DPH6: variants seen among roughly 807,000 people sequenced by gnomAD.
DPH6 encodes the protein diphthine--ammonia ligase.
A neutral mutation model predicts 38.2 loss-of-function variants in DPH6; 33 were observed. That is an observed-to-expected ratio of 0.86 (90% CI 0.65 to 1.15). The LOEUF (loss-of-function observed/expected upper bound fraction) is 1.15. Ranked by LOEUF, DPH6 falls within the 50% of genes most tolerant of loss-of-function variation. The pLI is 0.00. For synonymous variants in DPH6, 108 were observed against 103.0 expected, an observed-to-expected ratio of 1.05 and a Z score of -0.30; for missense variants, 325 against 320.0, an observed-to-expected ratio of 1.02 and a Z score of -0.12.
intron 3 of DPH6, among the ~76,000 whole-genome samples, chr15:35,250,353 T>C (rs2051665536): frequency 6.6e-6 from 1 of 152,104 alleles, no homozygotes; most frequent in Non-Finnish European, 1.5e-5. Context: ...ATTTAAAAGA[T>C]GATTTAAAAT....
At chr15:35,537,083 T>C in intron 3 of DPH6, among the ~76,000 whole-genome samples, 1 of 152,162 alleles carries the variant, frequency 6.6e-6, no homozygotes, top group South Asian at 2.1e-4. Context: ...AAATAAGAAC[T>C]ATTTTAGTCA....
At chr15:35,511,906 A>T (rs544546438) in intron 3 of DPH6, among the ~76,000 whole-genome samples, 17 of 152,194 alleles carry the variant, frequency 1.1e-4, no homozygotes, top group Non-Finnish European at 1.9e-4. Context: ...TTATTCTTAC[A>T]AATGAGCTAT....
intron 3 of DPH6, among the ~76,000 whole-genome samples, chr15:35,481,281 T>G (rs1484676971): frequency 6.6e-6 from 1 of 152,176 alleles, no homozygotes; most frequent in African/African-American, 2.4e-5. Context: ...AGCAACACAT[T>G]GCCCTGCACT....
chr15:35,422,593 T>C (rs999495795), intron 5 of DPH6, among the ~76,000 whole-genome samples: 3 of 151,896 alleles, frequency 2.0e-5, no homozygotes, highest in East Asian at 3.8e-4. Context: ...TTAAGATCTA[T>C]CCTCTTAGCA....
At chr15:35,465,864 A>C (rs917394725) in intron 3 of DPH6, among the ~76,000 whole-genome samples, 4 of 152,232 alleles carry the variant, frequency 2.6e-5, no homozygotes, top group Admixed American at 1.3e-4. Context: ...AGAAGAGCAT[A>C]ATAATTTGTC....
At chr15:35,207,999 C>T in the DPH6 span, among the ~76,000 whole-genome samples, 1 of 152,116 alleles carries the variant, frequency 6.6e-6, no homozygotes, top group Non-Finnish European at 1.5e-5. Context: ...CTTGTTTTGC[C>T]TACTAGCCTC....
chr15:35,537,448 C>T (rs913690952), intron 3 of DPH6, among the ~76,000 whole-genome samples: 2 of 151,980 alleles, frequency 1.3e-5, no homozygotes, highest in Non-Finnish European at 2.9e-5. Context: ...AGAAGAATAA[C>T]TGAACTGTAT....
rs183046333 is a variant in DPH6, at chr15:35,239,965, T to C, written n.201-19383A>G. Among the ~76,000 whole-genome samples the C allele has an allele frequency of 1.7e-3, 235 of 141,858 alleles. 25 individuals are homozygous for C. The highest frequency in any genetic ancestry group is 5.8e-3 in the African/African-American group (227 of 39,386). The allele number at this position is 141,858 out of a possible 152,430, so 93.1% of individuals were successfully genotyped here. ...TTCCGTGCCCTAACCCCTTCTCTGC[T>C]TTTCTGGAGGGCAAGAACCCCCCAC... On this transcript the variant is annotated intron_variant and non_coding_transcript_variant, in intron 3 of 3. Coordinates refer to the DPH6 transcript ENST00000560386.
intron 3 of DPH6, among the ~76,000 whole-genome samples, chr15:35,515,602 T>C (rs1387096356): frequency 6.6e-6 from 1 of 151,272 alleles, no homozygotes; most frequent in Non-Finnish European, 1.5e-5. Flanking sequence ...GCGCCTGTAG[T>C]CCCAGCTACT....
chr15:35,500,312 A>C (rs1454780381), intron 3 of DPH6, among the ~76,000 whole-genome samples: 1 of 152,102 alleles, frequency 6.6e-6, no homozygotes, highest in African/African-American at 2.4e-5. Flanking sequence ...ACAGTCAATG[A>C]ATGGGTTGTT....
chr15:35,310,163 C>T (rs140003277), intron 3 of DPH6, among the ~76,000 whole-genome samples: 104 of 152,240 alleles, frequency 6.8e-4, no homozygotes, highest in South Asian at 2.1e-3. Flanking sequence ...GAGAACACCA[C>T]GTAGAACGAG....
intron 3 of DPH6, among the ~76,000 whole-genome samples, chr15:35,508,970 C>T (rs1197443059): frequency 6.6e-6 from 1 of 152,162 alleles, no homozygotes; most frequent in Non-Finnish European, 1.5e-5. Context: ...AAATTCAAAA[C>T]CCCATGTTAG....
chr15:35,263,398 CTTTTTTTTT>C (rs757916530), intron 3 of DPH6, among the ~76,000 whole-genome samples: 1 of 99,000 alleles, frequency 1.0e-5, no homozygotes, highest in Non-Finnish European at 1.9e-5. Context: ...CATAATTAAT[CTTTTTTTTT>C]TTTTTTTTTT....
At chr15:35,491,050 G>C (rs1362301271) in intron 3 of DPH6, among the ~76,000 whole-genome samples, 2 of 152,082 alleles carry the variant, frequency 1.3e-5, no homozygotes, top group African/African-American at 4.8e-5. Flanking sequence ...CTTGAGGGCA[G>C]AGCCCTCACA....
the DPH6 span, among the ~76,000 whole-genome samples, chr15:35,179,198 C>A: frequency 1.1e-5 from 1 of 93,584 alleles, no homozygotes; most frequent in Non-Finnish European, 2.0e-5. Flanking sequence ...AAGAGCACAA[C>A]TCTGTCAAAA....
intron 3 of DPH6, among the ~76,000 whole-genome samples, chr15:35,229,340 C>A (rs1283736061): frequency 6.6e-6 from 1 of 151,044 alleles, no homozygotes; most frequent in Non-Finnish European, 1.5e-5. Flanking sequence ...CGGATGTATT[C>A]TTCAGTATGC....
chr15:35,194,330 C>T, the DPH6 span, among the ~76,000 whole-genome samples: 1 of 151,058 alleles, frequency 6.6e-6, no homozygotes, highest in Non-Finnish European at 1.5e-5. Flanking sequence ...TATATGAATA[C>T]AGGGAGACCT....
chr15:35,298,929 G>A, intron 3 of DPH6: 1 of 799,972 alleles, frequency 1.3e-6, no homozygotes. Flanking sequence ...TGAGGCAATG[G>A]CAGCTCCGCC....
intron 3 of DPH6, among the ~76,000 whole-genome samples, chr15:35,299,845 A>T (rs1175517193): frequency 2.0e-5 from 3 of 152,174 alleles, no homozygotes; most frequent in Non-Finnish European, 4.4e-5. Context: ...CTGCTTCTCC[A>T]ATAAAATATA....
Sources: gnomAD v4.1 joint callset for allele counts (sites outside exome capture counted in the v4.1 genomes callset) on GRCh38, gnomAD v4.1.1 for gene constraint, MANE v1.5 for transcripts, NCBI Gene and HGNC (gene_info 2026-07-23, HGNC 2026-07-21) for gene names.